SRGAP1: variants seen among roughly 807,000 people sequenced by gnomAD.
The protein encoded by SRGAP1 is SLIT-ROBO Rho GTPase activating protein 1.
A neutral mutation model predicts 121.9 loss-of-function variants in SRGAP1; 43 were observed. That is an observed-to-expected ratio of 0.35 (90% CI 0.28 to 0.46). The LOEUF (loss-of-function observed/expected upper bound fraction) is 0.46. SRGAP1 is among the 20% of genes least tolerant of loss of function. The pLI, the probability that SRGAP1 is intolerant of heterozygous loss-of-function variation, is 1.00. For synonymous variants in SRGAP1, 447 were observed against 485.4 expected, an observed-to-expected ratio of 0.92 and a Z score of 1.04; for missense variants, 1,102 against 1,350.9, an observed-to-expected ratio of 0.82 and a Z score of 2.89.
rs1237049324 is a variant in SRGAP1, at chr12:64,145,580, T to G, written c.*2908T>G. The G allele has an allele frequency of 6.6e-6, 1 of 151,690 alleles. No homozygotes were observed. Among genetic ancestry groups the G allele is most frequent in the African/African-American group, 2.4e-5 (1 of 41,270 alleles). The allele number at this position is 151,690 out of a possible 1,614,324, so 9.4% of individuals were successfully genotyped here. On this transcript the variant is annotated 3_prime_UTR_variant, in exon 22 of 22. Coordinates refer to ENST00000355086, the MANE Select transcript of SRGAP1 (RefSeq NM_020762.4). ...ACTTTTTTTTTTTTTCAATTCCAAATGAAGGGTATGACCTCAGAGTGAGTG... is the reference window on the plus strand; with the variant it reads ...ACTTTTTTTTTTTTTCAATTCCAAAGGAAGGGTATGACCTCAGAGTGAGTG...
At chr12:63,859,666 T>A (rs1425714852) in intron 1 of SRGAP1, among the ~76,000 whole-genome samples, 1 of 152,212 alleles carries the variant, frequency 6.6e-6, no homozygotes, top group African/African-American at 2.4e-5. Context: ...ATATAAACGC[T>A]ATTACTAATA....
At chr12:63,990,156 T>C in intron 3 of SRGAP1, 84 bp downstream of exon 3, 1 of 1,068,586 alleles carries the variant, frequency 9.4e-7, no homozygotes, top group Non-Finnish European at 1.4e-6. Context: ...TCTGAAAAAT[T>C]AGGTGAATGA....
chr12:64,076,497 G>A (rs1184128882), intron 8 of SRGAP1, among the ~76,000 whole-genome samples: 1 of 151,852 alleles, frequency 6.6e-6, no homozygotes, highest in Non-Finnish European at 1.5e-5. Flanking sequence ...ATCAGGTAGA[G>A]CTAAAAAATA....
At position 64,080,222 on chromosome 12, in the gene SRGAP1, G is replaced by A. The variant is rs543135515; in HGVS notation, c.1324-64G>A. 24 of 1,398,230 alleles carry A rather than the reference G, an allele frequency of 1.7e-5. 2 individuals are homozygous for A. In the South Asian group the frequency reaches 3.3e-4, roughly 19 times the overall value. The allele number at this position is 1,398,230 out of a possible 1,614,324, so 86.6% of individuals were successfully genotyped here. On this transcript the variant is annotated intron_variant, in intron 9 of 21. Transcript: ENST00000355086. The stretch of plus-strand genomic sequence containing the variant: ...CGCGCCACTGCACTCCAGCCTGGGT[G>A]ACAAGAATGAAACTCTGTCTCAAAA...
intron 1 of SRGAP1, among the ~76,000 whole-genome samples, chr12:63,901,100 T>A (rs2029906264): frequency 6.6e-6 from 1 of 152,122 alleles, no homozygotes; most frequent in Admixed American, 6.5e-5. Context: ...ACTTATTTAC[T>A]ATGTGCCAGT....
intron 1 of SRGAP1, among the ~76,000 whole-genome samples, chr12:63,898,624 C>G (rs1201380655): frequency 6.6e-6 from 1 of 152,132 alleles, no homozygotes; most frequent in African/African-American, 2.4e-5. Context: ...GGAAACTCTA[C>G]AAACAATCCA....
chr12:64,123,072 CATAAGT>C (rs1395235467), intron 18 of SRGAP1, among the ~76,000 whole-genome samples: 2 of 152,200 alleles, frequency 1.3e-5, no homozygotes, highest in Non-Finnish European at 2.9e-5. Flanking sequence ...ATTTCTGTAA[CATAAGT>C]ATATGTAGAC....
At chr12:64,058,905 A>C (rs2136530855) in intron 6 of SRGAP1, among the ~76,000 whole-genome samples, 1 of 152,302 alleles carries the variant, frequency 6.6e-6, no homozygotes, top group Middle Eastern at 3.4e-3. Context: ...TTCTAGTTCA[A>C]GATGCCTGAA....
intron 1 of SRGAP1, among the ~76,000 whole-genome samples, chr12:63,971,646 T>G (rs960117566): frequency 1.3e-5 from 2 of 152,180 alleles, no homozygotes; most frequent in African/African-American, 4.8e-5. Context: ...CTTGAAGAGA[T>G]AAAATAATGA....
chr12:64,060,173 C>T (rs2035420586), intron 6 of SRGAP1, among the ~76,000 whole-genome samples: 1 of 150,490 alleles, frequency 6.6e-6, no homozygotes, highest in South Asian at 2.1e-4. Flanking sequence ...TCCTTCCTTC[C>T]CTTTTTTCTT....
chr12:63,912,536 C>T (rs1476587655), intron 1 of SRGAP1, among the ~76,000 whole-genome samples: 1 of 151,944 alleles, frequency 6.6e-6, no homozygotes, highest in Non-Finnish European at 1.5e-5. Context: ...ATGGCTTGAG[C>T]CCAGAAGTTT....
chr12:64,102,701 CATA>C (rs1183492992), intron 15 of SRGAP1, among the ~76,000 whole-genome samples: 1 of 152,128 alleles, frequency 6.6e-6, no homozygotes, highest in Non-Finnish European at 1.5e-5. Context: ...TTTCACTTAG[CATA>C]ATGTTTTCAA....
At chr12:64,141,209 A>T (rs1281212202) in intron 21 of SRGAP1, among the ~76,000 whole-genome samples, 1 of 148,260 alleles carries the variant, frequency 6.7e-6, no homozygotes, top group African/African-American at 2.5e-5. Flanking sequence ...CCAGCATGGC[A>T]CATGTATACA....
intron 1 of SRGAP1, among the ~76,000 whole-genome samples, chr12:63,852,516 A>C: frequency 6.6e-6 from 1 of 152,182 alleles, no homozygotes; most frequent in Non-Finnish European, 1.5e-5. Context: ...AGCTCATTAT[A>C]AGGTGGATTT....
At chr12:63,952,790 T>C (rs1268430506) in intron 1 of SRGAP1, among the ~76,000 whole-genome samples, 1 of 152,032 alleles carries the variant, frequency 6.6e-6, no homozygotes, top group Non-Finnish European at 1.5e-5. Flanking sequence ...GAGTTACAGG[T>C]GCTAACACTT....
chr12:63,939,588 G>C (rs1299388247), intron 1 of SRGAP1, among the ~76,000 whole-genome samples: 2 of 152,208 alleles, frequency 1.3e-5, no homozygotes, highest in East Asian at 3.9e-4. Context: ...TTAATGAGTG[G>C]GCCCCTGGCT....
intron 6 of SRGAP1, among the ~76,000 whole-genome samples, chr12:64,056,246 T>G (rs976641203): frequency 2.0e-5 from 3 of 152,172 alleles, no homozygotes; most frequent in East Asian, 1.9e-4. Flanking sequence ...AGCCTCTTCA[T>G]TCTTTGACTG....
In SRGAP1 at chr12:64,150,619, TGAGG is replaced by T. The variant is rs2037107290; in HGVS notation, c.*7948_*7951del. The T allele has an allele frequency of 1.8e-5, 2 of 113,304 alleles. 1 individual carries two copies. Among genetic ancestry groups the T allele is most frequent in the South Asian group, 6.0e-4 (2 of 3,336 alleles). 7.0% of individuals were successfully genotyped at this position (113,304 alleles called of 1,614,324 possible). A position where few individuals can be genotyped will look rare whatever the true frequency, so the allele number is the denominator to read the frequency against. ...ATGACATTAACTCAAAAATGAAGTT[TGAGG>T]TTCTGGGCCTTTGATGGACTGCATC... On this transcript the variant is annotated 3_prime_UTR_variant, in exon 22 of 22. Coordinates refer to ENST00000355086, the MANE Select transcript of SRGAP1 (RefSeq NM_020762.4).
rs1010349502 is a variant in SRGAP1, at chr12:64,148,963, T to C, written c.*6291T>C. 1.3e-5 allele frequency: 2 copies of C among 152,218 alleles called. No homozygotes were observed. Among genetic ancestry groups the C allele is most frequent in the Non-Finnish European group, 2.9e-5 (2 of 68,040 alleles). 9.4% of individuals were successfully genotyped at this position (152,218 alleles called of 1,614,324 possible). ...TTTCTATAAATGGGTTCATACAGTA[T>C]GTAGATTTTGTGTCTGGCTCCTTTT... On this transcript the variant is annotated 3_prime_UTR_variant, in exon 22 of 22. Transcript: ENST00000355086.
Sources: gnomAD v4.1 joint callset for allele counts (sites outside exome capture counted in the v4.1 genomes callset) on GRCh38, gnomAD v4.1.1 for gene constraint, MANE v1.5 for transcripts, NCBI Gene and HGNC (gene_info 2026-07-23, HGNC 2026-07-21) for gene names.